The following TEX29 variants were observed in gnomAD, a reference collection of about 807,000 sequenced individuals.
The protein encoded by TEX29 is testis-expressed protein 29.
Under a neutral mutation model 18.2 loss-of-function variants are expected in TEX29, and 26 were observed. The ratio of observed to expected loss-of-function variants is 1.43; its 90% CI spans 1.04 to 1.98. TEX29 has a LOEUF of 1.98. TEX29 is among the 30% of genes most tolerant of loss of function. TEX29 has a pLI of 0.00. For synonymous variants in TEX29, 83 were observed against 78.5 expected, an observed-to-expected ratio of 1.06 and a Z score of -0.31; for missense variants, 177 against 194.2, an observed-to-expected ratio of 0.91 and a Z score of 0.53.
At chr13:111,326,474 G>A (rs572937414) in intron 2 of TEX29, among the ~76,000 whole-genome samples, 8 of 141,340 alleles carry the variant, frequency 5.7e-5, no homozygotes, top group Non-Finnish European at 9.2e-5. Flanking sequence ...AAGAGACTGC[G>A]GGCAGTGCGA....
intron 3 of TEX29, among the ~76,000 whole-genome samples, chr13:111,332,691 TA>T (rs2093684392): frequency 6.6e-6 from 1 of 152,206 alleles, no homozygotes; most frequent in Non-Finnish European, 1.5e-5. Flanking sequence ...CTATTAATAG[TA>T]AATGCAAGAT....
intron 2 of TEX29, among the ~76,000 whole-genome samples, chr13:111,326,028 G>A (rs1278112060): frequency 1.6e-4 from 24 of 152,214 alleles, no homozygotes; most frequent in Admixed American, 1.1e-3. Flanking sequence ...TGGGGAGGGC[G>A]CCTGGCACTG....
intron 2 of TEX29, among the ~76,000 whole-genome samples, chr13:111,327,033 C>T (rs978778329): frequency 6.6e-6 from 1 of 152,130 alleles, no homozygotes; most frequent in Non-Finnish European, 1.5e-5. Flanking sequence ...GCAGTACCTG[C>T]CTGCTGCTAT....
Position 111,334,196 on chromosome 13 carries a change from G to A in TEX29, c.170-5667G>A, listed in dbSNP as rs958120797. On this transcript the variant is annotated intron_variant, in intron 3 of 5. Transcript: ENST00000283547. ...TGGACATTTTAGGTAAGATAATATA[G>A]CACCTCTGAGAATCGGGTTCTTTCA... Among the ~76,000 whole-genome samples the A allele has an allele frequency of 2.6e-5, 4 of 152,106 alleles. No homozygotes were observed. In the South Asian group the frequency reaches 8.3e-4, roughly 32 times the overall value.
intron 3 of TEX29, among the ~76,000 whole-genome samples, chr13:111,336,471 T>C (rs944872893): frequency 1.3e-5 from 2 of 152,238 alleles, no homozygotes; most frequent in Non-Finnish European, 2.9e-5. Context: ...CATTGTGTTA[T>C]GGCATAATCT....
intron 3 of TEX29, 125 bp from the exon 4 acceptor site, chr13:111,339,738 G>T (rs999285013): frequency 1.2e-6 from 1 of 841,588 alleles, no homozygotes; most frequent in Admixed American, 1.8e-5. Flanking sequence ...TGGGTGAGGA[G>T]TGCTGACCAT....
intron 3 of TEX29, 114 bp downstream of exon 3, chr13:111,328,407 T>C: frequency 1.4e-6 from 1 of 717,136 alleles, no homozygotes. Context: ...GAAACACCTT[T>C]GTATTGTTCT....
chr13:111,331,316 A>ATTTTTTTTTTTTTTTTTT (rs56208500), intron 3 of TEX29, among the ~76,000 whole-genome samples: 1 of 131,038 alleles, frequency 7.6e-6, no homozygotes, highest in Non-Finnish European at 1.6e-5. Context: ...CCATTGTTGC[A>ATTTTTTTTTTTTTTTTTT]TTTTTTTTTT....
At chr13:111,316,818 A>G (rs1219606668), upstream of TEX29, among the ~76,000 whole-genome samples, 3 of 152,356 alleles carry the variant, frequency 2.0e-5, no homozygotes, top group East Asian at 1.9e-4. Flanking sequence ...TACAAAGGAA[A>G]GAGGTTTAAT....
chr13:111,339,553 G>A, intron 3 of TEX29: 1 of 494,576 alleles, frequency 2.0e-6, no homozygotes, highest in Non-Finnish European at 3.7e-6. Context: ...ACTCCCGGGG[G>A]TCAGGACCCA....
At chr13:111,318,635 C>T (rs902575695), upstream of TEX29, among the ~76,000 whole-genome samples, 10 of 152,196 alleles carry the variant, frequency 6.6e-5, no homozygotes, top group East Asian at 1.9e-4. Flanking sequence ...ACTCCTTCCC[C>T]GGAAGCTCAT....
chr13:111,343,462 C>T (rs1342294243), intron 5 of TEX29, among the ~76,000 whole-genome samples: 1 of 152,046 alleles, frequency 6.6e-6, no homozygotes, highest in African/African-American at 2.4e-5. Context: ...TTTGTGGTGC[C>T]CTGGCCACGT....
At chr13:111,329,363 C>T (rs958646542) in intron 3 of TEX29, among the ~76,000 whole-genome samples, 8 of 152,032 alleles carry the variant, frequency 5.3e-5, no homozygotes, top group African/African-American at 1.7e-4. Context: ...ACCCCCACCA[C>T]CCCAAAGTGA....
chr13:111,339,471 C>A, intron 3 of TEX29: 2 of 413,532 alleles, frequency 4.8e-6, no homozygotes, highest in South Asian at 3.6e-5. Context: ...CAGCACAACC[C>A]CGTGGGTCAG....
intron 3 of TEX29, among the ~76,000 whole-genome samples, chr13:111,329,744 A>C (rs1172408021): frequency 6.6e-6 from 1 of 152,156 alleles, no homozygotes; most frequent in African/African-American, 2.4e-5. Flanking sequence ...AATGGGAGGC[A>C]CATGGGAGGG....
At chr13:111,317,458 C>G (rs966208518), upstream of TEX29, among the ~76,000 whole-genome samples, 1 of 152,212 alleles carries the variant, frequency 6.6e-6, no homozygotes, top group Non-Finnish European at 1.5e-5. Flanking sequence ...GGGCCACAGG[C>G]TCTGGTGTGT....
At chr13:111,331,591 GTTGC>G (rs1176392840) in intron 3 of TEX29, among the ~76,000 whole-genome samples, 1 of 151,642 alleles carries the variant, frequency 6.6e-6, no homozygotes, top group African/African-American at 2.4e-5. Flanking sequence ...TTTTCCTTTT[GTTGC>G]TTGTGCTTTG....
At chr13:111,337,970 C>T (rs1400553890) in intron 3 of TEX29, among the ~76,000 whole-genome samples, 2 of 152,154 alleles carry the variant, frequency 1.3e-5, no homozygotes, top group Non-Finnish European at 2.9e-5. Context: ...AAGCTGGCTT[C>T]AATCCCCTCT....
chr13:111,343,975 A>G (rs1025565352), intron 5 of TEX29, 108 bp from the exon 6 acceptor site: 18 of 910,856 alleles, frequency 2.0e-5, no homozygotes, highest in Non-Finnish European at 3.2e-5. Flanking sequence ...TGAATCAATC[A>G]TTGCCAATCA....
Sources: gnomAD v4.1 joint callset for allele counts (sites outside exome capture counted in the v4.1 genomes callset) on GRCh38, gnomAD v4.1.1 for gene constraint, MANE v1.5 for transcripts, NCBI Gene and HGNC (gene_info 2026-07-23, HGNC 2026-07-21) for gene names.